Variants in ARVCF observed in about 807,000 individuals in gnomAD.
ARVCF encodes the protein splicing regulator ARVCF.
In ARVCF, 66 loss-of-function variants were observed where a neutral mutation model predicts 90.9. The ratio of observed to expected loss-of-function variants is 0.73; its 90% CI spans 0.60 to 0.89. The LOEUF is 0.89. Among genes scored for constraint, ARVCF ranks in the 40% least tolerant of loss-of-function variants. The pLI is 0.00. For synonymous variants in ARVCF, 653 were observed against 603.4 expected (o/e 1.08, Z -1.21); for missense variants, 1,469 against 1,382.3 (o/e 1.06, Z -1.00).
chr22:19,976,715 AC>A lies in ARVCF; in HGVS notation c.1878del (p.Trp626CysfsTer18). 1.3e-6 allele frequency: 2 copies of A among 1,560,456 alleles called. No homozygotes were observed. The highest frequency in any genetic ancestry group is 1.7e-6 in the Non-Finnish European group (2 of 1,151,844). ...CFGGKKAKEE[W>X]FHQGKKDGEM... ...ATAAAAAGGGACTCACCTTGGTGGA[AC>A]CACTCCTCTGGGAGGCCGGAGGAAG... On this transcript the variant is annotated frameshift_variant, in exon 10 of 20. Transcript: ENST00000263207. LOFTEE classifies it high-confidence loss of function.
chr22:19,978,076 C>T lies in ARVCF; in HGVS notation c.1581-1G>A. 2 of 1,603,668 alleles carry T rather than the reference C, an allele frequency of 1.2e-6. No individual in the cohort carries two copies. Among genetic ancestry groups the T allele is most frequent in the South Asian group, 1.1e-5 (1 of 90,226 alleles). Reference sequence around the variant, plus strand: ...CTCAGCACCATCGGAGCTCACATTCCTGTGTGGCCAAGAGCAGGCCAGGTG... The same window carrying T: ...CTCAGCACCATCGGAGCTCACATTCTTGTGTGGCCAAGAGCAGGCCAGGTG... On this transcript the variant is annotated splice_acceptor_variant, in intron 7 of 19. Coordinates refer to ENST00000263207, the MANE Select transcript of ARVCF (RefSeq NM_001670.3). LOFTEE classifies it high-confidence loss of function.
At chr22:19,970,890 C>A in intron 19 of ARVCF, 147 bp from the exon 20 acceptor site, 1 of 1,128,152 alleles carries the variant, frequency 8.9e-7, no homozygotes, top group Non-Finnish European at 1.2e-6. Context: ...GGGCTGACCC[C>A]AAGGGTCTTG....
Position 19,971,347 on chromosome 22 carries a change from G to A in ARVCF, c.2782-12C>T, listed in dbSNP as rs199499036. On this transcript the variant is annotated splice_polypyrimidine_tract_variant and intron_variant, in intron 18 of 19. Transcript: ENST00000263207. ...CTGCTGGGGTCGAGCTGCAGCGCAC[G>A]GGTGGGCATTAGAGGCACAATAGAG... 4.5e-5 allele frequency: 69 copies of A among 1,549,300 alleles called. No individual in the cohort carries two copies. In the East Asian group the frequency reaches 1.3e-3, roughly 28 times the overall value.
At chr22:19,994,779 C>T (rs370154100) in intron 2 of ARVCF, among the ~76,000 whole-genome samples, 3 of 29,390 alleles carry the variant, frequency 1.0e-4, no homozygotes, top group African/African-American at 2.8e-4. Flanking sequence ...ATGGGTGGGT[C>T]GGGGGATGGT....
In ARVCF at chr22:19,972,376, T is replaced by C; in HGVS notation, c.2677A>G (p.Met893Val). Residue 893 changes from methionine to valine, a missense_variant, in exon 17 of 20, where the codon ATG becomes GTG. By Grantham distance (21) the Met-to-Val change is conservative. Transcript: ENST00000263207. ...EKTGSRDVIP[M>V]DALGPDGYST... is the part of the protein sequence containing the mutation. ...CACTCACCTGGGCCCAGCGCATCCA[T>C]GGGGATCACATCCCGGCTGCCAGTT... The C allele has an allele frequency of 6.2e-7, 1 of 1,613,618 alleles. No homozygotes were observed. The highest frequency in any genetic ancestry group is 2.2e-5 in the East Asian group (1 of 44,878).
intron 3 of ARVCF, among the ~76,000 whole-genome samples, chr22:19,985,909 A>G (rs1943742632): frequency 6.6e-6 from 1 of 152,200 alleles, no homozygotes; most frequent in African/African-American, 2.4e-5. Context: ...CTCCATCCCC[A>G]TTATGGCCCT....
chr22:20,006,400 A>AC lies in ARVCF; in HGVS notation c.-19+4054dup, dbSNP rs977560819. On this transcript the variant is annotated intron_variant, in intron 2 of 19. Transcript: ENST00000263207. ...AGACCATCCTGGCTAACATGGTGAA[A>AC]CCCCGTCTCTACTAAAAGTACAAAA... Among the ~76,000 whole-genome samples, 57 of 151,884 alleles carry AC rather than the reference A, an allele frequency of 3.8e-4. 1 individual carries two copies. The highest frequency in any genetic ancestry group is 3.5e-3 in the Admixed American group (53 of 15,280).
Position 19,970,616 on chromosome 22 carries a change from AGGCTTGGCTGG to A in ARVCF, c.*129_*139del. ...GGGGCAGGAGGGTGTCCCCAAAGTC[AGGCTTGGCTGG>A]GGCGAGGCGCTGCCAACCCCTGCCG... On this transcript the variant is annotated 3_prime_UTR_variant, in exon 20 of 20. Coordinates refer to ENST00000263207, the MANE Select transcript of ARVCF (RefSeq NM_001670.3). The A allele has an allele frequency of 7.9e-7, 1 of 1,267,686 alleles. No homozygotes were observed. Among genetic ancestry groups the A allele is most frequent in the Non-Finnish European group, 1.0e-6 (1 of 978,584 alleles). The allele number at this position is 1,267,686 out of a possible 1,614,324, so 78.5% of individuals were successfully genotyped here.
At chr22:20,009,278 C>A (rs1015075803) in intron 2 of ARVCF, among the ~76,000 whole-genome samples, 9 of 152,338 alleles carry the variant, frequency 5.9e-5, no homozygotes, top group Non-Finnish European at 7.4e-5. Flanking sequence ...CACAGCCAGG[C>A]GGCAGCAGAC....
chr22:19,996,142 C>T (rs945517381), intron 2 of ARVCF, among the ~76,000 whole-genome samples: 3 of 152,178 alleles, frequency 2.0e-5, no homozygotes, highest in Non-Finnish European at 2.9e-5. Flanking sequence ...GTTCACAGGG[C>T]GGAGTCCACA....
rs545927249 is a variant in ARVCF, at chr22:19,993,218, A to G, written c.-18-2406T>C. Among the ~76,000 whole-genome samples the G allele has an allele frequency of 4.3e-4, 65 of 152,142 alleles. 1 individual carries two copies. The South Asian group carries it at 0.013, about 32-fold the overall frequency. On this transcript the variant is annotated intron_variant, in intron 2 of 19. Coordinates refer to ENST00000263207, the MANE Select transcript of ARVCF (RefSeq NM_001670.3). Reference sequence around the variant, plus strand: ...AGGTGTCTCAAGAGCAACCCGGGATATGCTCCAGGCAGAGCACAGAAGGCC... The same window carrying G: ...AGGTGTCTCAAGAGCAACCCGGGATGTGCTCCAGGCAGAGCACAGAAGGCC...
chr22:19,989,036 C>T lies in ARVCF; in HGVS notation c.210+1549G>A, dbSNP rs149594080. On this transcript the variant is annotated intron_variant, in intron 3 of 19. Coordinates refer to ENST00000263207, the MANE Select transcript of ARVCF (RefSeq NM_001670.3). The stretch of plus-strand genomic sequence containing the variant: ...CACACTGCCTGTCCGAGGACAGTTC[C>T]GGTCTGGGAGGGTTGGACTGAGCAC... Among the ~76,000 whole-genome samples, 357 of 152,314 alleles carry T rather than the reference C, an allele frequency of 2.3e-3. 5 individuals carry two copies. Among genetic ancestry groups the T allele is most frequent in the Admixed American group, 6.4e-3 (98 of 15,304 alleles).
At chr22:19,979,296 G>A in intron 6 of ARVCF, 1 of 600,274 alleles carries the variant, frequency 1.7e-6, no homozygotes, top group Non-Finnish European at 2.9e-6. Context: ...AGGAGGGTGT[G>A]GCAGTGCTGT....
rs749098376 is a variant in ARVCF at position 19,990,709 on chromosome 22, G to A, written c.86C>T (p.Ala29Val). The change falls in exon 3 of 20, where the codon GCA becomes GTA. Residue 29 changes from alanine (A) to valine (V), a missense_variant. Transcript: ENST00000263207. ...QEARFERLTR[A>V]LEQERRHVAL... is the part of the protein sequence containing the mutation. ...AACATGGCGCCGCTCCTGCTCCAGTGCCCGTGTCAGCCTCTCGAAGCGGGC... is the reference window on the plus strand; with the variant it reads ...AACATGGCGCCGCTCCTGCTCCAGTACCCGTGTCAGCCTCTCGAAGCGGGC... 99 of 1,596,932 alleles carry A rather than the reference G, an allele frequency of 6.2e-5. 2 individuals carry two copies. In the South Asian group the frequency reaches 8.1e-4, roughly 13 times the overall value.
chr22:19,981,827 A>G, intron 4 of ARVCF, 90 bp from the exon 5 acceptor site: 2 of 1,550,410 alleles, frequency 1.3e-6, no homozygotes, highest in South Asian at 1.2e-5. Flanking sequence ...TTCCCACTCG[A>G]GCAATGAGAG....
At chr22:19,995,041 T>C (rs1218797785) in intron 2 of ARVCF, among the ~76,000 whole-genome samples, 3 of 150,652 alleles carry the variant, frequency 2.0e-5, no homozygotes, top group Admixed American at 6.6e-5. Context: ...AGATGGATGA[T>C]TGGATGGGTT....
At chr22:20,015,253 C>T (rs1318764248) in intron 1 of ARVCF, among the ~76,000 whole-genome samples, 7 of 152,284 alleles carry the variant, frequency 4.6e-5, no homozygotes, top group South Asian at 2.1e-4. Context: ...CTCTGCTGGG[C>T]GCTGGTGGAC....
At chr22:20,012,105 G>A (rs1185523284) in intron 1 of ARVCF, among the ~76,000 whole-genome samples, 1 of 117,490 alleles carries the variant, frequency 8.5e-6, no homozygotes, top group Non-Finnish European at 1.7e-5. Flanking sequence ...AGTTGGGGAA[G>A]TGTGACCAAA....
At chr22:20,016,216 G>A (rs1318546245) in intron 1 of ARVCF, among the ~76,000 whole-genome samples, 15 of 152,234 alleles carry the variant, frequency 9.9e-5, no homozygotes, top group Admixed American at 7.2e-4. Flanking sequence ...GGCGGCTGCA[G>A]GGCCCTGGCA....
Sources: gnomAD v4.1 joint callset for allele counts (sites outside exome capture counted in the v4.1 genomes callset) on GRCh38, gnomAD v4.1.1 for gene constraint, MANE v1.5 for transcripts, NCBI Gene and HGNC (gene_info 2026-07-23, HGNC 2026-07-21) for gene names.